KCNJ3: variants seen among roughly 807,000 people sequenced by gnomAD.
KCNJ3 encodes the protein G protein-activated inward rectifier potassium channel 1.
KCNJ3 carries 4 observed loss-of-function variants against 39.2 expected under a neutral mutation model. The observed-to-expected ratio is 0.10, with a 90% confidence interval of 0.05 to 0.23. The LOEUF (loss-of-function observed/expected upper bound fraction) is 0.23. KCNJ3 is among the 10% of genes least tolerant of loss of function. The pLI, the probability that KCNJ3 is intolerant of heterozygous loss-of-function variation, is 1.00. For missense variants in KCNJ3, 276 were observed against 634.9 expected (o/e 0.43, Z 6.08); for synonymous variants, 230 against 237.4 (o/e 0.97, Z 0.29).
chr2:154,782,594 C>T (rs1024551352), intron 2 of KCNJ3, among the ~76,000 whole-genome samples: 1 of 151,926 alleles, frequency 6.6e-6, no homozygotes, highest in South Asian at 2.1e-4. Flanking sequence ...AATTGAAGGC[C>T]AAATGACATG....
intron 2 of KCNJ3, among the ~76,000 whole-genome samples, chr2:154,760,598 G>A (rs1282161824): frequency 6.6e-6 from 1 of 151,738 alleles, no homozygotes; most frequent in African/African-American, 2.4e-5. Context: ...CTGCCACCCA[G>A]CCTGGATTGT....
intron 2 of KCNJ3, among the ~76,000 whole-genome samples, chr2:154,819,701 T>C (rs1310191994): frequency 6.6e-6 from 1 of 151,918 alleles, no homozygotes; most frequent in Admixed American, 6.6e-5. Context: ...CAGCTAATTT[T>C]TGTATTTTTA....
intron 2 of KCNJ3, among the ~76,000 whole-genome samples, chr2:154,827,880 A>G (rs866296259): frequency 9.2e-5 from 14 of 152,144 alleles, no homozygotes; most frequent in East Asian, 3.9e-4. Flanking sequence ...TTGTTCTTCA[A>G]TGTAACTTAA....
chr2:154,749,256 A>G (rs1254150132), intron 2 of KCNJ3, among the ~76,000 whole-genome samples: 2 of 152,080 alleles, frequency 1.3e-5, no homozygotes, highest in Non-Finnish European at 1.5e-5. Flanking sequence ...TGATACCAAG[A>G]GACCCCCCTC....
chr2:154,831,306 T>C (rs1174115195), intron 2 of KCNJ3, among the ~76,000 whole-genome samples: 1 of 152,142 alleles, frequency 6.6e-6, no homozygotes, highest in African/African-American at 2.4e-5. Context: ...TTTGTCATCA[T>C]TCAAAAGAAA....
At chr2:154,761,102 T>C (rs1686035445) in intron 2 of KCNJ3, among the ~76,000 whole-genome samples, 1 of 150,292 alleles carries the variant, frequency 6.7e-6, no homozygotes, top group Non-Finnish European at 1.5e-5. Context: ...GATCTCACTA[T>C]GTTGCCCAGT....
intron 2 of KCNJ3, among the ~76,000 whole-genome samples, chr2:154,757,337 T>C (rs1191340434): frequency 6.6e-6 from 1 of 152,116 alleles, no homozygotes; most frequent in Non-Finnish European, 1.5e-5. Flanking sequence ...GAAGAAAGTT[T>C]AGTATTGCAA....
At chr2:154,777,269 T>C (rs1410525449) in intron 2 of KCNJ3, among the ~76,000 whole-genome samples, 1 of 152,230 alleles carries the variant, frequency 6.6e-6, no homozygotes, top group Non-Finnish European at 1.5e-5. Flanking sequence ...ACAGTGTTTC[T>C]GCGACTTATT....
Position 154,698,806 on chromosome 2 carries a change from G to T in KCNJ3, c.31G>T (p.Asp11Tyr), listed in dbSNP as rs750258804. 6.2e-7 allele frequency: 1 copy of T among 1,611,174 alleles called. No individual in the cohort carries two copies. The highest frequency in any genetic ancestry group is 8.5e-7 in the Non-Finnish European group (1 of 1,177,756). Reference sequence around the variant, plus strand: ...TGCACTCCGAAGGAAATTTGGGGACGATTATCAGGTAGTGACCACATCGTC... The same window carrying T: ...TGCACTCCGAAGGAAATTTGGGGACTATTATCAGGTAGTGACCACATCGTC... Reference protein sequence around the residue: MSALRRKFGDDYQVVTTSSSG... With the variant: MSALRRKFGDYYQVVTTSSSG... Residue 11 changes from aspartate to tyrosine, a missense_variant, in exon 1 of 3, where the codon GAT becomes TAT. Physicochemically the swap from Asp to Tyr is radical, Grantham distance 160. Coordinates refer to ENST00000295101, the MANE Select transcript of KCNJ3 (RefSeq NM_002239.4).
At chr2:154,719,647 T>C (rs1355660851) in intron 2 of KCNJ3, among the ~76,000 whole-genome samples, 1 of 152,120 alleles carries the variant, frequency 6.6e-6, no homozygotes, top group Non-Finnish European at 1.5e-5. Context: ...TATTATTTAC[T>C]GTTTCATGGG....
At chr2:154,714,870 T>G (rs987361595) in intron 2 of KCNJ3, among the ~76,000 whole-genome samples, 1 of 152,096 alleles carries the variant, frequency 6.6e-6, no homozygotes, top group African/African-American at 2.4e-5. Flanking sequence ...ATACAGACAA[T>G]AAACATAATG....
intron 2 of KCNJ3, among the ~76,000 whole-genome samples, chr2:154,743,595 G>T (rs1685688135): frequency 1.3e-5 from 2 of 151,024 alleles, no homozygotes; most frequent in Admixed American, 1.3e-4. Flanking sequence ...TATACATGCT[G>T]TATTTTTTTT....
At chr2:154,804,269 T>G (rs779253212) in intron 2 of KCNJ3, among the ~76,000 whole-genome samples, 34 of 152,234 alleles carry the variant, frequency 2.2e-4, no homozygotes, top group Middle Eastern at 3.4e-3. Flanking sequence ...AAGGTGCAGG[T>G]GTACAAAATG....
At chr2:154,850,008 CTTTTTT>C (rs373062062) in intron 2 of KCNJ3, among the ~76,000 whole-genome samples, 230 of 48,812 alleles carry the variant, frequency 4.7e-3, no homozygotes, top group Non-Finnish European at 6.9e-3. Flanking sequence ...CAGAATAAAT[CTTTTTT>C]TTTTTTTTTT....
At chr2:154,760,735 C>CTTTTTT (rs887796000) in intron 2 of KCNJ3, among the ~76,000 whole-genome samples, 8 of 127,752 alleles carry the variant, frequency 6.3e-5, no homozygotes, top group African/African-American at 1.2e-4. Flanking sequence ...TCTTTTTTTT[C>CTTTTTT]TTTTTTTTTT....
At chr2:154,789,485 G>A (rs1686590066) in intron 2 of KCNJ3, among the ~76,000 whole-genome samples, 1 of 151,970 alleles carries the variant, frequency 6.6e-6, no homozygotes, top group Non-Finnish European at 1.5e-5. Context: ...TTAACAGATT[G>A]GTGTAGAAGT....
intron 2 of KCNJ3, among the ~76,000 whole-genome samples, chr2:154,832,289 A>G (rs1687378109): frequency 6.6e-6 from 1 of 152,202 alleles, no homozygotes; most frequent in South Asian, 2.1e-4. Flanking sequence ...ATGTATGAAA[A>G]TGGAAAGGAC....
intron 2 of KCNJ3, among the ~76,000 whole-genome samples, chr2:154,729,984 C>G (rs946660283): frequency 2.0e-5 from 3 of 152,006 alleles, no homozygotes; most frequent in Non-Finnish European, 4.4e-5. Context: ...CCAGACTCCT[C>G]TTACCCTCCT....
chr2:154,776,995 G>A (rs1329637843), intron 2 of KCNJ3, among the ~76,000 whole-genome samples: 1 of 151,954 alleles, frequency 6.6e-6, no homozygotes, highest in Non-Finnish European at 1.5e-5. Flanking sequence ...GAAATCTTGT[G>A]CTAGTTTATC....
Sources: gnomAD v4.1 joint callset for allele counts (sites outside exome capture counted in the v4.1 genomes callset) on GRCh38, gnomAD v4.1.1 for gene constraint, MANE v1.5 for transcripts, NCBI Gene and HGNC (gene_info 2026-07-23, HGNC 2026-07-21) for gene names.